CPNE4: variants seen among roughly 807,000 people sequenced by gnomAD.
CPNE4 encodes copine 4.
In CPNE4, 25 loss-of-function variants were observed where a neutral mutation model predicts 67.9. That is an observed-to-expected ratio of 0.37 (90% CI 0.27 to 0.51). The LOEUF (loss-of-function observed/expected upper bound fraction) is 0.51. CPNE4 is among the 20% of genes least tolerant of loss of function. The pLI, the probability that CPNE4 is intolerant of heterozygous loss-of-function variation, is 0.93. For missense variants in CPNE4, 464 were observed against 690.8 expected (o/e 0.67, Z 3.68); for synonymous variants, 242 against 244.9 (o/e 0.99, Z 0.11).
At chr3:131,641,766 C>T (rs535340196) in intron 7 of CPNE4, among the ~76,000 whole-genome samples, 1 of 152,278 alleles carries the variant, frequency 6.6e-6, no homozygotes, top group Non-Finnish European at 1.5e-5. Flanking sequence ...CCCCAATACC[C>T]ATCAATCAAC....
chr3:132,014,090 A>T (rs774727355), intron 1 of CPNE4, among the ~76,000 whole-genome samples: 3 of 152,158 alleles, frequency 2.0e-5, no homozygotes, highest in Non-Finnish European at 1.5e-5. Context: ...AGAGAATGTT[A>T]CCCTTTCTTG....
At chr3:131,809,011 A>G (rs73875025) in intron 2 of CPNE4, among the ~76,000 whole-genome samples, 1,907 of 152,274 alleles carry the variant, frequency 0.013, 50 homozygotes, top group African/African-American at 0.044. Context: ...TGGAGAGTGT[A>G]GACATATATG....
intron 1 of CPNE4, among the ~76,000 whole-genome samples, chr3:131,934,027 G>A (rs193054438): frequency 2.0e-5 from 3 of 152,140 alleles, no homozygotes; most frequent in Non-Finnish European, 2.9e-5. Flanking sequence ...ATATGCCTAC[G>A]TTTATAGTGT....
At chr3:131,615,407 C>T (rs1940077814) in intron 7 of CPNE4, among the ~76,000 whole-genome samples, 1 of 152,152 alleles carries the variant, frequency 6.6e-6, no homozygotes, top group Non-Finnish European at 1.5e-5. Context: ...AAATAAAATG[C>T]AACCTTGAAC....
intron 11 of CPNE4, among the ~76,000 whole-genome samples, chr3:131,557,884 T>C (rs966790861): frequency 2.0e-5 from 3 of 152,000 alleles, no homozygotes; most frequent in African/African-American, 7.2e-5. Context: ...GGATGGATCC[T>C]GGTCCTTCAC....
rs938422785 is a variant in CPNE4 at position 131,991,190 on chromosome 3, T to C, written c.-2+43377A>G. On this transcript the variant is annotated intron_variant, in intron 1 of 15. Transcript: ENST00000429747. The stretch of plus-strand genomic sequence containing the variant: ...CATGGCTATAACGATGGAAGCAACT[T>C]TGGAACTGGGTAACAGGCAGAGGTT... Among the ~76,000 whole-genome samples, 13 of 135,938 alleles carry C rather than the reference T, an allele frequency of 9.6e-5. 3 individuals are homozygous for C. The highest frequency in any genetic ancestry group is 2.7e-4 in the African/African-American group (11 of 40,636). 89.2% of individuals were successfully genotyped at this position (135,938 alleles called of 152,430 possible).
chr3:132,001,308 A>G (rs1050772128), intron 1 of CPNE4, among the ~76,000 whole-genome samples: 4 of 151,982 alleles, frequency 2.6e-5, no homozygotes, highest in African/African-American at 9.7e-5. Context: ...AACCAAAATA[A>G]AACACTTCCA....
intron 2 of CPNE4, among the ~76,000 whole-genome samples, chr3:131,885,542 T>A (rs530518327): frequency 1.6e-3 from 242 of 150,624 alleles, no homozygotes; most frequent in African/African-American, 4.3e-3. Flanking sequence ...TTAATTTTTT[T>A]ATTTTTTTAT....
rs117423577 is a variant in CPNE4 at position 131,604,427 on chromosome 3, A to T, written c.682-16845T>A. ...AGTGTCAACTTGATTGGGCTGAAGGATACAAAGTATTAATCCTGGGTGTAT... is the reference window on the plus strand; with the variant it reads ...AGTGTCAACTTGATTGGGCTGAAGGTTACAAAGTATTAATCCTGGGTGTAT... On this transcript the variant is annotated intron_variant, in intron 7 of 15. Transcript: ENST00000429747. Among the ~76,000 whole-genome samples, 122 of 152,230 alleles carry T rather than the reference A, an allele frequency of 8.0e-4. No individual in the cohort carries two copies. The East Asian group carries it at 0.023, about 29-fold the overall frequency.
chr3:131,572,845 G>A (rs536069118), intron 10 of CPNE4, among the ~76,000 whole-genome samples: 1 of 152,088 alleles, frequency 6.6e-6, no homozygotes, highest in East Asian at 1.9e-4. Context: ...TCCATGCCAG[G>A]AAACCTTCCT....
chr3:131,997,498 C>A (rs58558893), intron 1 of CPNE4, among the ~76,000 whole-genome samples: 43,424 of 151,958 alleles, frequency 0.29, 6,514 homozygotes, highest in South Asian at 0.39. Context: ...CCATAAATTT[C>A]TCTGTTCCTC....
rs574227202 is a variant in CPNE4, at chr3:131,631,201, G to A, written c.681+38474C>T. Among the ~76,000 whole-genome samples the A allele has an allele frequency of 3.3e-5, 5 of 152,232 alleles. No homozygotes were observed. In the South Asian group the frequency reaches 1.0e-3, roughly 32 times the overall value. Reference sequence around the variant, plus strand: ...ATAAAGTCACCATAAAATCATTAGAGTTAATATAATCATTTTCTGAATCCC... The same window carrying A: ...ATAAAGTCACCATAAAATCATTAGAATTAATATAATCATTTTCTGAATCCC... On this transcript the variant is annotated intron_variant, in intron 7 of 15. Coordinates refer to ENST00000429747, the MANE Select transcript of CPNE4 (RefSeq NM_130808.3).
At chr3:132,038,407 G>A (rs2074370153), upstream of CPNE4, among the ~76,000 whole-genome samples, 1 of 151,640 alleles carries the variant, frequency 6.6e-6, no homozygotes, top group Non-Finnish European at 1.5e-5. Flanking sequence ...TGCTACGAAA[G>A]GGCAGTTTAT....
At chr3:131,951,236 GTTA>G (rs1418654849) in intron 1 of CPNE4, among the ~76,000 whole-genome samples, 1 of 152,062 alleles carries the variant, frequency 6.6e-6, no homozygotes, top group Non-Finnish European at 1.5e-5. Flanking sequence ...TTTATTTCTA[GTTA>G]TTATAAAGAT....
intron 7 of CPNE4, among the ~76,000 whole-genome samples, chr3:131,646,990 G>A (rs896738019): frequency 2.0e-5 from 3 of 152,212 alleles, no homozygotes; most frequent in Non-Finnish European, 4.4e-5. Flanking sequence ...GTCTTGGGGA[G>A]CAGAGCAGAG....
intron 2 of CPNE4, among the ~76,000 whole-genome samples, chr3:131,807,592 A>T (rs1242177746): frequency 1.3e-5 from 2 of 152,030 alleles, no homozygotes; most frequent in African/African-American, 4.8e-5. Flanking sequence ...TCTCTAGGTT[A>T]AAAAAAGAAA....
intron 1 of CPNE4, among the ~76,000 whole-genome samples, chr3:131,915,810 T>C (rs942491192): frequency 1.3e-5 from 2 of 152,202 alleles, no homozygotes; most frequent in African/African-American, 4.8e-5. Context: ...TGGAATCAGA[T>C]ACATTGATGT....
intron 1 of CPNE4, among the ~76,000 whole-genome samples, chr3:132,024,068 T>A (rs937731349): frequency 3.5e-5 from 5 of 144,274 alleles, no homozygotes; most frequent in Non-Finnish European, 6.0e-5. Context: ...AAAAGCTCTT[T>A]GGGGTCTTCA....
At chr3:131,672,954 G>A (rs2080461953) in intron 6 of CPNE4, among the ~76,000 whole-genome samples, 1 of 151,986 alleles carries the variant, frequency 6.6e-6, no homozygotes, top group African/African-American at 2.4e-5. Context: ...TTTTCTTTTA[G>A]TATTTTCACA....
Sources: allele counts gnomAD v4.1 joint callset (sites outside exome capture counted in the v4.1 genomes callset), GRCh38; gene constraint gnomAD v4.1.1; transcripts MANE v1.5; gene names NCBI Gene and HGNC (gene_info 2026-07-23, HGNC 2026-07-21).